Variants in NRK observed in about 807,000 individuals in gnomAD.
NRK encodes the protein nik-related protein kinase.
NRK carries 67 observed loss-of-function variants against 125.2 expected under a neutral mutation model. The ratio of observed to expected loss-of-function variants is 0.54; its 90% CI spans 0.44 to 0.66. The LOEUF is 0.66. NRK is among the 30% of genes least tolerant of loss of function. NRK has a pLI of 0.00. For missense variants in NRK, 1,224 were observed against 1,192.9 expected, an observed-to-expected ratio of 1.03 and a Z score of -0.38; for synonymous variants, 458 against 429.0, an observed-to-expected ratio of 1.07 and a Z score of -0.84.
chrX:105,955,729 A>G lies in NRK; in HGVS notation c.*129A>G. 1 of 426,155 alleles carries G rather than the reference A, an allele frequency of 2.3e-6. No individual in the cohort carries two copies. The highest frequency in any genetic ancestry group is 4.2e-6 in the Non-Finnish European group (1 of 239,262). The allele number at this position is 426,155 out of a possible 1,213,427, so 35.1% of individuals were successfully genotyped here. The stretch of plus-strand genomic sequence containing the variant: ...GATTAAATCCAAAACTTTACTTTTA[A>G]TGTAGCACAGAATAGTTTTAATGAG... On this transcript the variant is annotated 3_prime_UTR_variant, in exon 29 of 29. Transcript: ENST00000243300.
chrX:105,855,321 A>G (rs993956318), intron 2 of NRK, among the ~76,000 whole-genome samples: 6 of 112,373 alleles, frequency 5.3e-5, no homozygotes, highest in Non-Finnish European at 1.1e-4. Flanking sequence ...GAAAAACTTC[A>G]TAATTGAACT....
At chrX:105,907,471 T>C (rs2040235431) in intron 11 of NRK, 1 of 111,718 alleles carries the variant, frequency 9.0e-6, no homozygotes, top group Non-Finnish European at 1.9e-5. Flanking sequence ...TATACATGTA[T>C]CATGTTTTGA....
At chrX:105,888,676 G>A (rs1347116251) in intron 5 of NRK, among the ~76,000 whole-genome samples, 5 of 111,340 alleles carry the variant, frequency 4.5e-5, no homozygotes, top group African/African-American at 1.6e-4. Context: ...CCACATGGCT[G>A]AGGAGACCTC....
chrX:105,949,035 AG>A (rs762335525), intron 26 of NRK, among the ~76,000 whole-genome samples: 45 of 111,377 alleles, frequency 4.0e-4, no homozygotes, highest in South Asian at 3.8e-4. Flanking sequence ...TTTTTTGCAA[AG>A]GGGGAAATGA....
At chrX:105,915,902 G>A (rs1245009696) in intron 15 of NRK, 105 bp downstream of exon 15, 3 of 442,375 alleles carry the variant, frequency 6.8e-6, no homozygotes, top group East Asian at 8.0e-5. Flanking sequence ...TAAAATATCC[G>A]TGACAACATC....
Position 105,908,883 on chromosome X carries a change from G to T in NRK, c.1242G>T (p.Arg414Ser). 1 of 1,210,637 alleles carries T rather than the reference G, an allele frequency of 8.3e-7. No individual in the cohort carries two copies. Among genetic ancestry groups the T allele is most frequent in the South Asian group, 1.8e-5 (1 of 56,951 alleles). ...QALQQLQGAA[R>S]VFMPLQALDS... ...TTCAGCAGCTACAGGGAGCAGCCAG[G>T]GTATTCATGCCACTGCAGGCTCTGG... The change falls in exon 13 of 29, where the codon AGG becomes AGT. Residue 414 changes from arginine (R) to serine (S), a missense_variant. Coordinates refer to ENST00000243300, the MANE Select transcript of NRK (RefSeq NM_198465.4).
intron 7 of NRK, among the ~76,000 whole-genome samples, chrX:105,897,418 TC>T (rs1040748308): frequency 2.7e-5 from 3 of 112,473 alleles, no homozygotes; most frequent in Non-Finnish European, 5.6e-5. Context: ...ATCTTCATAT[TC>T]CAGCCTGTAA....
rs369709707 is a variant in NRK, at chrX:105,898,313, G to A, written c.581-271G>A. ...TCATTTCGGAGGTTCAGAGTGTCCC[G>A]ACAGAACATTATTTTTAATATTCAT... On this transcript the variant is annotated intron_variant, in intron 7 of 28. Coordinates refer to ENST00000243300, the MANE Select transcript of NRK (RefSeq NM_198465.4). Among the ~76,000 whole-genome samples, 8 of 111,134 alleles carry A rather than the reference G, an allele frequency of 7.2e-5. No homozygotes were observed. In the East Asian group the frequency reaches 8.5e-4, roughly 12 times the overall value.
chrX:105,863,564 C>T (rs1421856413), intron 2 of NRK, among the ~76,000 whole-genome samples: 1 of 112,121 alleles, frequency 8.9e-6, no homozygotes, highest in Admixed American at 9.5e-5. Context: ...ATTGAGCCTT[C>T]TCTTCTCTCA....
At chrX:105,945,695 C>A (rs1436701209) in intron 24 of NRK, among the ~76,000 whole-genome samples, 177 bp from the exon 25 acceptor site, 1 of 111,934 alleles carries the variant, frequency 8.9e-6, no homozygotes, top group Non-Finnish European at 1.9e-5. Context: ...CAGTTCTTGA[C>A]TCCCACCTCA....
At chrX:105,945,779 G>T in intron 24 of NRK, 93 bp from the exon 25 acceptor site, 1 of 747,722 alleles carries the variant, frequency 1.3e-6, no homozygotes. Context: ...ATCCTGTTTG[G>T]CCTTTTGTTT....
intron 2 of NRK, among the ~76,000 whole-genome samples, chrX:105,854,108 C>G (rs2039504817): frequency 8.9e-6 from 1 of 111,915 alleles, no homozygotes; most frequent in Non-Finnish European, 1.9e-5. Context: ...CTAAATGTTT[C>G]TGCAGAACTT....
intron 26 of NRK, among the ~76,000 whole-genome samples, chrX:105,946,774 T>C (rs1033681558): frequency 8.0e-5 from 9 of 111,884 alleles, no homozygotes; most frequent in African/African-American, 2.9e-4. Context: ...GAAGACCAGA[T>C]AGCATCAGTG....
chrX:105,889,807 G>GCACA (rs1005893671), intron 5 of NRK, among the ~76,000 whole-genome samples: 7 of 112,335 alleles, frequency 6.2e-5, no homozygotes, highest in African/African-American at 2.3e-4. Flanking sequence ...TCCCTAGGCT[G>GCACA]CACACAGCAA....
At chrX:105,925,434 A>AT (rs1273350651) in intron 19 of NRK, among the ~76,000 whole-genome samples, 5 of 110,982 alleles carry the variant, frequency 4.5e-5, no homozygotes, top group African/African-American at 1.6e-4. Flanking sequence ...AACATTCATC[A>AT]TTTTTTTTGT....
intron 7 of NRK, among the ~76,000 whole-genome samples, chrX:105,897,661 T>G (rs1326705966): frequency 8.9e-6 from 1 of 112,429 alleles, no homozygotes; most frequent in African/African-American, 3.2e-5. Context: ...GGGCAATTAT[T>G]TAACCTGTTT....
chrX:105,830,659 A>T (rs1168747775), intron 1 of NRK, among the ~76,000 whole-genome samples: 1 of 110,999 alleles, frequency 9.0e-6, no homozygotes, highest in African/African-American at 3.3e-5. Flanking sequence ...GCCATAAAAA[A>T]GGTAGAGTTC....
At chrX:105,908,119 C>T (rs748594527) in intron 11 of NRK, 121 bp from the exon 12 acceptor site, 2 of 400,319 alleles carry the variant, frequency 5.0e-6, no homozygotes, top group East Asian at 9.0e-5. Context: ...TGAAGGGCTA[C>T]CTTCTTGCCC....
At chrX:105,869,440 T>C (rs1419067228) in intron 2 of NRK, among the ~76,000 whole-genome samples, 1 of 111,233 alleles carries the variant, frequency 9.0e-6, no homozygotes, top group Non-Finnish European at 1.9e-5. Context: ...TACTCCCTGC[T>C]GCTTCTCTCA....
Sources: allele counts gnomAD v4.1 joint callset (sites outside exome capture counted in the v4.1 genomes callset), GRCh38; gene constraint gnomAD v4.1.1; transcripts MANE v1.5; gene names NCBI Gene and HGNC (gene_info 2026-07-23, HGNC 2026-07-21).